Variants in ERI2 observed in about 807,000 individuals in gnomAD.
ERI2 encodes ERI1 exoribonuclease 2.
A neutral mutation model predicts 46.8 loss-of-function variants in ERI2; 35 were observed. The observed-to-expected ratio is 0.75, with a 90% confidence interval of 0.57 to 0.99. The LOEUF (loss-of-function observed/expected upper bound fraction) is 0.99, where lower values mean the gene tolerates loss of function less well. ERI2 is among the 50% of genes least tolerant of loss of function. The pLI is 0.00. For missense variants in ERI2, 695 were observed against 796.2 expected (o/e 0.87, Z 1.53); for synonymous variants, 224 against 271.0 (o/e 0.83, Z 1.70).
chr16:20,802,689 G>T, intron 4 of ERI2, 107 bp downstream of exon 4: 1 of 1,323,740 alleles, frequency 7.6e-7, no homozygotes, highest in Non-Finnish European at 1.0e-6. Context: ...TGGGATTACA[G>T]GCATAAGCCA....
Position 20,797,813 on chromosome 16 carries a change from T to G in ERI2, c.1987A>C (p.Ser663Arg). ...PSHSTGGLTF[S>R]SPETSHICDR... ...CAAATATGGCTTGTTTCTGGAGAAC[T>G]AAAAGTGAGTCCCCCTGTGGAATGA... The change falls in exon 9 of 9, where the codon AGT (serine) becomes CGT (arginine). Residue 663 changes from serine to arginine, a missense_variant. Physicochemically the swap from Ser to Arg is moderately radical, Grantham distance 110. Coordinates refer to ENST00000357967, the MANE Select transcript of ERI2 (RefSeq NM_001142725.2). 1 of 1,551,530 alleles carries G rather than the reference T, an allele frequency of 6.4e-7. No individual in the cohort carries two copies. Among genetic ancestry groups the G allele is most frequent in the Admixed American group, 2.0e-5 (1 of 50,990 alleles).
intron 1 of ERI2, 60 bp downstream of exon 1, chr16:20,806,348 G>T: frequency 6.5e-7 from 1 of 1,544,852 alleles, no homozygotes. Flanking sequence ...CCTGCTCTGC[G>T]GCCAACGCCA....
Position 20,806,344 on chromosome 16 carries a change from C to T in ERI2, c.23+64G>A. ...CAGATGCCACCTGCCGTGCCCTGCTCTGCGGCCAACGCCAGCGCTGGACCC... is the reference window on the plus strand; with the variant it reads ...CAGATGCCACCTGCCGTGCCCTGCTTTGCGGCCAACGCCAGCGCTGGACCC... On this transcript the variant is annotated intron_variant, in intron 1 of 8. Transcript: ENST00000357967. 5.2e-6 allele frequency: 8 copies of T among 1,544,144 alleles called. No individual in the cohort carries two copies. In the South Asian group the frequency reaches 6.0e-5, roughly 12 times the overall value.
Position 20,796,445 on chromosome 16 carries a change from G to A in ERI2, c.*1279C>T. The A allele has an allele frequency of 3.7e-6, 6 of 1,613,706 alleles. No homozygotes were observed. The highest frequency in any genetic ancestry group is 5.1e-6 in the Non-Finnish European group (6 of 1,179,924). Reference sequence around the variant, plus strand: ...AGAACAACTAATAAAGGAGATTCAGGAGCATGTTAAAAAAACTACAGCACC... The same window carrying A: ...AGAACAACTAATAAAGGAGATTCAGAAGCATGTTAAAAAAACTACAGCACC... On this transcript the variant is annotated 3_prime_UTR_variant, in exon 9 of 9. Transcript: ENST00000357967.
rs2080763110 is a variant in ERI2 at position 20,798,735 on chromosome 16, CT to C, written c.1064del (p.Lys355SerfsTer41). On this transcript the variant is annotated frameshift_variant, in exon 9 of 9. Coordinates refer to ENST00000357967, the MANE Select transcript of ERI2 (RefSeq NM_001142725.2). LOFTEE classifies it high-confidence loss of function. ...ATGCAAGATGTTCATTTTTTCCTTG[CT>C]TTTGCATATAGATAGGTGAATTCAA... ...PTLNSPIYMQKQGKNEHLAFN... is the reference protein window; with the variant it reads ...PTLNSPIYMQXQGKNEHLAFN... 5.8e-6 allele frequency: 9 copies of C among 1,551,410 alleles called. No homozygotes were observed. The highest frequency in any genetic ancestry group is 7.8e-6 in the Non-Finnish European group (9 of 1,146,886).
At chr16:20,796,250 T>C (rs1419781533), downstream of ERI2, 1 of 1,461,928 alleles carries the variant, frequency 6.8e-7, no homozygotes, top group African/African-American at 1.4e-5. Context: ...GGATCAAACT[T>C]TATTAAAACA....
In ERI2 at chr16:20,797,966, C is replaced by T. The variant is rs771086371; in HGVS notation, c.1834G>A (p.Gly612Arg). The change falls in exon 9 of 9, where the codon GGA becomes AGA. Residue 612 changes from glycine (G) to arginine (R), a missense_variant. Physicochemically the swap from Gly to Arg is moderately radical, Grantham distance 125. Coordinates refer to ENST00000357967, the MANE Select transcript of ERI2 (RefSeq NM_001142725.2). ...TAGAAGACTTTTCCATGGTTCGGTC[C>T]ATTATTAGAAACAACAAGTCTCTTA... The part of the protein sequence containing the change: ...RSKRLVVSNN[G>R]PNHGKVFYCC... 6.3e-5 allele frequency: 98 copies of T among 1,551,730 alleles called. No homozygotes were observed. The highest frequency in any genetic ancestry group is 8.3e-5 in the Non-Finnish European group (95 of 1,146,974).
downstream of ERI2, chr16:20,792,018 C>T (rs1404879600): frequency 5.0e-6 from 8 of 1,613,584 alleles, no homozygotes; most frequent in East Asian, 2.2e-5. Flanking sequence ...CCTTCAAAAA[C>T]AGCTTCAACT....
At chr16:20,800,124 T>C in intron 6 of ERI2, 86 bp from the exon 7 acceptor site, 1 of 964,276 alleles carries the variant, frequency 1.0e-6, no homozygotes, top group East Asian at 2.6e-5. Flanking sequence ...TTTAGTTCTA[T>C]TAGATTTAGA....
chr16:20,802,983 T>A, intron 3 of ERI2, 60 bp from the exon 4 acceptor site: 1 of 1,459,466 alleles, frequency 6.9e-7, no homozygotes. Context: ...AATCCTGTAA[T>A]CATCCTAAAT....
At position 20,781,762 on chromosome 16, in the gene ERI2, A is replaced by G. The variant is rs192560104; in HGVS notation, c.895-1028T>C. On this transcript the variant is annotated intron_variant, in intron 10 of 10. Coordinates refer to the ERI2 transcript ENST00000300005. ...CTGTTCAGCACCAACTGTATACCGA[A>G]TGCTTGTACAGAATGATATAACCAG... The G allele has an allele frequency of 1.6e-4, 260 of 1,612,102 alleles. 2 individuals are homozygous for G. The East Asian group carries it at 4.4e-3, about 27-fold the overall frequency.
In ERI2 at chr16:20,797,728, T is replaced by G. The variant is rs1233006407; in HGVS notation, c.2072A>C (p.Asn691Thr). The G allele has an allele frequency of 6.5e-7, 1 of 1,540,948 alleles. No individual in the cohort carries two copies. The highest frequency in any genetic ancestry group is 1.4e-5 in the African/African-American group (1 of 72,442). ...GGATTCATACATGAAAGGTTATCAA[T>G]TCCTCATTGAAGGCCTGAGTCTCAA... is the stretch of plus-strand genomic sequence containing the variant. ...NSLRLRPSMR[N>T] is the part of the protein sequence containing the mutation. The change falls in exon 9 of 9, where the codon AAT becomes ACT. Residue 691 changes from asparagine to threonine, a missense_variant. Coordinates refer to ENST00000357967, the MANE Select transcript of ERI2 (RefSeq NM_001142725.2).
exon 11 of ERI2, chr16:20,780,281 T>C (rs2080324523): frequency 4.2e-6 from 1 of 236,950 alleles, no homozygotes; most frequent in South Asian, 5.8e-5. Context: ...TCAGTACCCA[T>C]GGCTTTTACT....
chr16:20,799,320 A>G lies in ERI2; in HGVS notation c.675T>C (p.Leu225=). The G allele has an allele frequency of 6.2e-7, 1 of 1,613,750 alleles. No homozygotes were observed. The highest frequency in any genetic ancestry group is 8.5e-7 in the Non-Finnish European group (1 of 1,179,720). The part of the protein sequence containing the change: ...GLDDSRNTAL[L]AWKMIRDGCV... ...AACCATCTCTGATCATTTTCCAAGC[A>G]AGAAGGGCAGTATTCCGAGAATCGT... The change falls in exon 8 of 9, where the codon CTT becomes CTC. Residue 225 remains leucine (L), a synonymous_variant. Coordinates refer to ENST00000357967, the MANE Select transcript of ERI2 (RefSeq NM_001142725.2).
At chr16:20,782,213 G>A (rs1167119536) in intron 10 of ERI2, among the ~76,000 whole-genome samples, 1 of 152,178 alleles carries the variant, frequency 6.6e-6, no homozygotes, top group Non-Finnish European at 1.5e-5. Flanking sequence ...AACAACCCCC[G>A]TTTCTCTTTG....
At chr16:20,796,161 TG>T, downstream of ERI2, 1 of 728,506 alleles carries the variant, frequency 1.4e-6, no homozygotes, top group Non-Finnish European at 2.1e-6. Flanking sequence ...TGGATGAGGC[TG>T]GGTTGTTACA....
Position 20,798,349 on chromosome 16 carries a change from T to C in ERI2, c.1451A>G (p.Tyr484Cys). The C allele has an allele frequency of 6.4e-7, 1 of 1,551,532 alleles. No individual in the cohort carries two copies. Among genetic ancestry groups the C allele is most frequent in the South Asian group, 1.2e-5 (1 of 84,068 alleles). ...TGGATCTTTGGCTTCTTTTACATTA[T>C]AAATAGTAGTGTGAGGACTCTTGTA... The part of the protein sequence containing the change: ...IVYKSPHTTI[Y>C]NVKEAKDPGS... The change falls in exon 9 of 9, where the codon TAT becomes TGT. Residue 484 changes from tyrosine (Y) to cysteine (C), a missense_variant. By Grantham distance (194) the Tyr-to-Cys change is radical. Transcript: ENST00000357967.
chr16:20,803,244 A>G (rs2080815049), intron 3 of ERI2, among the ~76,000 whole-genome samples, 189 bp downstream of exon 3: 1 of 152,232 alleles, frequency 6.6e-6, no homozygotes, highest in Non-Finnish European at 1.5e-5. Context: ...TGTAATATAA[A>G]ACAACTATTT....
chr16:20,780,530 G>C lies in ERI2; in HGVS notation c.*112C>G. Reference sequence around the variant, plus strand: ...GCCTTTGATGACAAAGTTTAGTTTTGATTCTAGAAAGCACCTAAAAGGATA... The same window carrying C: ...GCCTTTGATGACAAAGTTTAGTTTTCATTCTAGAAAGCACCTAAAAGGATA... On this transcript the variant is annotated 3_prime_UTR_variant, in exon 11 of 11. Transcript: ENST00000300005. The C allele has an allele frequency of 2.4e-6, 3 of 1,246,726 alleles. No individual in the cohort carries two copies. In the Admixed American group the frequency reaches 7.4e-5, roughly 31 times the overall value. 77.2% of individuals were successfully genotyped at this position (1,246,726 alleles called of 1,614,324 possible).
Sources: gnomAD v4.1 joint callset for allele counts (sites outside exome capture counted in the v4.1 genomes callset) on GRCh38, gnomAD v4.1.1 for gene constraint, MANE v1.5 for transcripts, NCBI Gene and HGNC (gene_info 2026-07-23, HGNC 2026-07-21) for gene names.